KHDRBS2: variants seen among roughly 807,000 people sequenced by gnomAD.
The protein encoded by KHDRBS2 is KH RNA binding domain containing, signal transduction associated 2.
KHDRBS2 carries 26 observed loss-of-function variants against 44.3 expected under a neutral mutation model. That is an observed-to-expected ratio of 0.59 (90% CI 0.43 to 0.81). The LOEUF is 0.81. Ranked by LOEUF, KHDRBS2 falls within the 40% of genes least tolerant of loss-of-function variation. The probability of loss-of-function intolerance (pLI) is 0.00; values close to 1 mark genes in which losing one functional copy is unlikely to be tolerated. For missense variants in KHDRBS2, 476 were observed against 433.1 expected, an observed-to-expected ratio of 1.10 and a Z score of -0.88; for synonymous variants, 194 against 151.1, an observed-to-expected ratio of 1.28 and a Z score of -2.08.
the KHDRBS2 span, among the ~76,000 whole-genome samples, chr6:61,625,573 G>C: frequency 6.6e-6 from 1 of 151,968 alleles, no homozygotes; most frequent in African/African-American, 2.4e-5. Context: ...CTAGGGCCAG[G>C]CAATTCCTGC....
chr6:61,873,453 T>C (rs1358322313), intron 6 of KHDRBS2, among the ~76,000 whole-genome samples: 1 of 152,082 alleles, frequency 6.6e-6, no homozygotes, highest in East Asian at 1.9e-4. Flanking sequence ...TAACATTTTA[T>C]TTCATACTTG....
At chr6:62,086,215 A>G (rs2127359323) in intron 2 of KHDRBS2, among the ~76,000 whole-genome samples, 1 of 152,292 alleles carries the variant, frequency 6.6e-6, no homozygotes, top group South Asian at 2.1e-4. Context: ...GGACTTTGAC[A>G]GGAATTGTTT....
At chr6:62,147,795 G>A (rs556500325) in intron 2 of KHDRBS2, among the ~76,000 whole-genome samples, 12 of 151,876 alleles carry the variant, frequency 7.9e-5, no homozygotes, top group East Asian at 1.9e-4. Flanking sequence ...CTCTTTACAC[G>A]AAAGTTTCTT....
rs183799987 is a variant in KHDRBS2 at position 62,057,276 on chromosome 6, A to G, written c.220-9282T>C. 3.0e-3 allele frequency among the ~76,000 whole-genome samples: 455 copies of G among 152,056 alleles called. 3 individuals are homozygous for G. Among genetic ancestry groups the G allele is most frequent in the Non-Finnish European group, 4.7e-3 (320 of 67,918 alleles). On this transcript the variant is annotated intron_variant, in intron 2 of 8. Coordinates refer to ENST00000281156, the MANE Select transcript of KHDRBS2 (RefSeq NM_152688.4). ...CTGCCACAATTTCTGAAGTTTTTGGAGACAACACTCTGGAAAGGCTCAGAA... is the reference window on the plus strand; with the variant it reads ...CTGCCACAATTTCTGAAGTTTTTGGGGACAACACTCTGGAAAGGCTCAGAA...
chr6:61,936,287 T>C (rs1811008675), intron 4 of KHDRBS2, among the ~76,000 whole-genome samples: 1 of 152,108 alleles, frequency 6.6e-6, no homozygotes, highest in African/African-American at 2.4e-5. Flanking sequence ...ACATGTTTTG[T>C]TTTATACTTT....
the KHDRBS2 span, among the ~76,000 whole-genome samples, chr6:61,674,850 T>C: frequency 6.6e-6 from 1 of 151,732 alleles, no homozygotes; most frequent in Non-Finnish European, 1.5e-5. Flanking sequence ...AACTTCGGTA[T>C]TACATGAACG....
chr6:62,022,901 T>C (rs1782606876), intron 3 of KHDRBS2, among the ~76,000 whole-genome samples: 2 of 151,636 alleles, frequency 1.3e-5, no homozygotes, highest in African/African-American at 4.8e-5. Context: ...TAAAAACATG[T>C]TAAGAGCTCT....
At chr6:61,763,160 C>A (rs1299063020) in intron 6 of KHDRBS2, among the ~76,000 whole-genome samples, 1 of 152,094 alleles carries the variant, frequency 6.6e-6, no homozygotes, top group South Asian at 2.1e-4. Flanking sequence ...GCAGAGAAAC[C>A]AAAGAAATCT....
intron 7 of KHDRBS2, among the ~76,000 whole-genome samples, chr6:61,698,518 T>C (rs1167807948): frequency 1.3e-5 from 2 of 152,146 alleles, no homozygotes; most frequent in African/African-American, 4.8e-5. Context: ...AAGTGGTTTC[T>C]AGGCCCTGAT....
chr6:61,818,454 A>G (rs1789345391), intron 6 of KHDRBS2, among the ~76,000 whole-genome samples: 1 of 151,982 alleles, frequency 6.6e-6, no homozygotes, highest in Non-Finnish European at 1.5e-5. Context: ...TTAATTCTGC[A>G]CTATCTCTGA....
intron 2 of KHDRBS2, among the ~76,000 whole-genome samples, chr6:62,060,219 C>T (rs1181232082): frequency 6.6e-6 from 1 of 151,524 alleles, no homozygotes; most frequent in African/African-American, 2.4e-5. Flanking sequence ...ACTTATTGAC[C>T]CTGTTGAAAA....
intron 2 of KHDRBS2, among the ~76,000 whole-genome samples, chr6:62,067,737 T>C (rs889832637): frequency 5.3e-5 from 8 of 151,608 alleles, no homozygotes; most frequent in African/African-American, 1.9e-4. Flanking sequence ...TTACTACCCA[T>C]TGGACCCCTA....
At chr6:62,118,091 T>C (rs1327385435) in intron 2 of KHDRBS2, among the ~76,000 whole-genome samples, 1 of 152,188 alleles carries the variant, frequency 6.6e-6, no homozygotes, top group Non-Finnish European at 1.5e-5. Context: ...TCAATTTTTG[T>C]ACGTGGTGAG....
At chr6:62,020,226 G>A (rs933452192) in intron 3 of KHDRBS2, among the ~76,000 whole-genome samples, 1 of 151,752 alleles carries the variant, frequency 6.6e-6, no homozygotes, top group Non-Finnish European at 1.5e-5. Flanking sequence ...TTTTTCCAGA[G>A]GTATTATTTT....
intron 8 of KHDRBS2, among the ~76,000 whole-genome samples, chr6:61,694,450 T>G (rs1406108955): frequency 6.6e-6 from 1 of 152,182 alleles, no homozygotes; most frequent in African/African-American, 2.4e-5. Context: ...GATACCTATA[T>G]GCAAATTTTC....
intron 7 of KHDRBS2, among the ~76,000 whole-genome samples, chr6:61,711,176 A>G (rs1290894823): frequency 6.6e-6 from 1 of 151,710 alleles, no homozygotes; most frequent in East Asian, 1.9e-4. Context: ...GCTGACTGAC[A>G]GTACAGACAC....
chr6:62,024,597 T>C (rs566431380), intron 3 of KHDRBS2, among the ~76,000 whole-genome samples: 37 of 151,744 alleles, frequency 2.4e-4, no homozygotes, highest in African/African-American at 8.7e-4. Context: ...TTTATTGACT[T>C]ATCAAACTTT....
chr6:61,762,624 C>A (rs1779443213), intron 6 of KHDRBS2, among the ~76,000 whole-genome samples: 1 of 152,206 alleles, frequency 6.6e-6, no homozygotes, highest in Non-Finnish European at 1.5e-5. Context: ...TGATTGGAAG[C>A]AGCCTGAGGC....
the KHDRBS2 span, among the ~76,000 whole-genome samples, chr6:61,596,044 C>T: frequency 6.6e-6 from 1 of 152,050 alleles, no homozygotes; most frequent in African/African-American, 2.4e-5. Context: ...GTGTGGAGCT[C>T]AGAACAGAAG....
Sources: allele counts gnomAD v4.1 joint callset (sites outside exome capture counted in the v4.1 genomes callset), GRCh38; gene constraint gnomAD v4.1.1; transcripts MANE v1.5; gene names NCBI Gene and HGNC (gene_info 2026-07-23, HGNC 2026-07-21).